ZDHHC14: variants seen among roughly 807,000 people sequenced by gnomAD.
ZDHHC14 encodes palmitoyltransferase ZDHHC14.
A neutral mutation model predicts 47.7 loss-of-function variants in ZDHHC14; 16 were observed. The observed-to-expected ratio is 0.34, with a 90% CI of 0.23 to 0.51. The LOEUF is 0.51. Among genes scored for constraint, ZDHHC14 ranks in the 20% least tolerant of loss-of-function variants. ZDHHC14 has a pLI of 0.97. For missense variants in ZDHHC14, 515 were observed against 662.5 expected (o/e 0.78, Z 2.44); for synonymous variants, 293 against 278.9 (o/e 1.05, Z -0.50).
intron 2 of ZDHHC14, among the ~76,000 whole-genome samples, chr6:157,573,588 T>C (rs1783182758): frequency 6.6e-6 from 1 of 152,162 alleles, no homozygotes. Flanking sequence ...CCTACGCCCT[T>C]CATGAAGGAT....
chr6:157,575,858 C>T (rs1345053299), intron 2 of ZDHHC14, among the ~76,000 whole-genome samples: 1 of 152,244 alleles, frequency 6.6e-6, no homozygotes, highest in East Asian at 1.9e-4. Context: ...CCTCAATGCT[C>T]ATAGGTGTTG....
At chr6:157,595,525 T>A (rs188112675) in intron 3 of ZDHHC14, among the ~76,000 whole-genome samples, 1 of 152,310 alleles carries the variant, frequency 6.6e-6, no homozygotes, top group African/African-American at 2.4e-5. Context: ...AAAATTTTCT[T>A]CTCAATCTAC....
At chr6:157,399,738 C>T (rs769554981) in intron 1 of ZDHHC14, among the ~76,000 whole-genome samples, 8 of 152,236 alleles carry the variant, frequency 5.3e-5, no homozygotes, top group Non-Finnish European at 7.3e-5. Context: ...GGAGACCGTA[C>T]GTGATCTCAC....
intron 2 of ZDHHC14, among the ~76,000 whole-genome samples, chr6:157,550,353 G>T (rs1426850545): frequency 6.6e-6 from 1 of 152,010 alleles, no homozygotes; most frequent in Admixed American, 6.5e-5. Context: ...AGGCATTCTA[G>T]AGAGACCACA....
chr6:157,657,649 C>T (rs1778163156), intron 8 of ZDHHC14, among the ~76,000 whole-genome samples: 1 of 152,210 alleles, frequency 6.6e-6, no homozygotes, highest in South Asian at 2.1e-4. Context: ...AGAGACAAAA[C>T]TGTAAGAAAT....
At chr6:157,450,508 C>A in intron 1 of ZDHHC14, among the ~76,000 whole-genome samples, 1 of 112,962 alleles carries the variant, frequency 8.9e-6, no homozygotes. Flanking sequence ...GAGCATGAGA[C>A]TCCGTCTTAA....
chr6:157,513,648 T>A (rs1780575037), intron 1 of ZDHHC14, among the ~76,000 whole-genome samples: 1 of 152,202 alleles, frequency 6.6e-6, no homozygotes, highest in Non-Finnish European at 1.5e-5. Context: ...GTCCGCATTA[T>A]TATTGTTATG....
chr6:157,644,611 G>A (rs985636988), intron 5 of ZDHHC14, among the ~76,000 whole-genome samples: 2 of 152,212 alleles, frequency 1.3e-5, no homozygotes, highest in Non-Finnish European at 2.9e-5. Context: ...CCACGGCACC[G>A]CACTGGGTAA....
intron 1 of ZDHHC14, among the ~76,000 whole-genome samples, chr6:157,540,009 C>G (rs1164308026): frequency 6.6e-6 from 1 of 152,218 alleles, no homozygotes; most frequent in Non-Finnish European, 1.5e-5. Flanking sequence ...GAAACACAGA[C>G]AGAGGCATTT....
Position 157,452,395 on chromosome 6 carries a change from A to G in ZDHHC14, c.245+70129A>G, listed in dbSNP as rs142988091. ...ATCCCACCTTTGCTGAAACTCTTACATCTCCAAGCAGTGATGTCTGTGAGA... is the reference window on the plus strand; with the variant it reads ...ATCCCACCTTTGCTGAAACTCTTACGTCTCCAAGCAGTGATGTCTGTGAGA... On this transcript the variant is annotated intron_variant, in intron 1 of 8. Transcript: ENST00000359775. Among the ~76,000 whole-genome samples the G allele has an allele frequency of 3.5e-3, 539 of 152,204 alleles. 3 individuals carry two copies. Among genetic ancestry groups the G allele is most frequent in the African/African-American group, 0.012 (515 of 41,544 alleles).
At position 157,663,682 on chromosome 6, in the gene ZDHHC14, A is replaced by G. The variant is rs114452187; in HGVS notation, c.1069-9042A>G. On this transcript the variant is annotated intron_variant, in intron 8 of 8. Transcript: ENST00000359775. ...GGGACCGTGCTCACAGGACTGTGGA[A>G]AGCACGCAAGCAGAGCTGGCGCTAA... is the stretch of plus-strand genomic sequence containing the variant. 3.3e-3 allele frequency among the ~76,000 whole-genome samples: 501 copies of G among 152,254 alleles called. 8 individuals carry two copies. Among genetic ancestry groups the G allele is most frequent in the African/African-American group, 0.011 (477 of 41,544 alleles).
intron 3 of ZDHHC14, among the ~76,000 whole-genome samples, chr6:157,626,025 A>C (rs1274674070): frequency 1.3e-5 from 2 of 152,192 alleles, no homozygotes; most frequent in African/African-American, 4.8e-5. Context: ...GGGAAAGCAC[A>C]GTGTCACAGC....
chr6:157,458,849 A>AGTTTTTTTTTTTTTTTTTT (rs1434832129), intron 1 of ZDHHC14, among the ~76,000 whole-genome samples: 1 of 81,226 alleles, frequency 1.2e-5, no homozygotes, highest in Non-Finnish European at 2.3e-5. Flanking sequence ...ATGTGGGTGG[A>AGTTTTTTTTTTTTTTTTTT]TTTTTTTTTT....
At chr6:157,648,440 G>GA (rs958688697) in intron 7 of ZDHHC14, among the ~76,000 whole-genome samples, 123 of 149,654 alleles carry the variant, frequency 8.2e-4, no homozygotes, top group Admixed American at 1.5e-3. Flanking sequence ...AAGAATTCAA[G>GA]AAAAAAAAAA....
At chr6:157,647,119 G>A (rs191630318) in intron 6 of ZDHHC14, 140 bp from the exon 7 acceptor site, 116 of 619,916 alleles carry the variant, frequency 1.9e-4, no homozygotes, top group Middle Eastern at 1.0e-3. Flanking sequence ...GTAAATGCCC[G>A]TTTTCTTTAA....
intron 1 of ZDHHC14, among the ~76,000 whole-genome samples, chr6:157,414,555 T>C (rs1229083621): frequency 6.6e-6 from 1 of 152,206 alleles, no homozygotes; most frequent in East Asian, 1.9e-4. Flanking sequence ...TATATGACTA[T>C]GAGATGTTGA....
At chr6:157,467,025 C>A (rs1318137911) in intron 1 of ZDHHC14, among the ~76,000 whole-genome samples, 1 of 152,116 alleles carries the variant, frequency 6.6e-6, no homozygotes, top group Non-Finnish European at 1.5e-5. Context: ...ACCCAGCCTA[C>A]TTCTCCTGTT....
chr6:157,428,923 C>G (rs1778280848), intron 1 of ZDHHC14, among the ~76,000 whole-genome samples: 1 of 152,174 alleles, frequency 6.6e-6, no homozygotes, highest in Non-Finnish European at 1.5e-5. Context: ...ACCTGGTTGA[C>G]AGGAACAGTG....
chr6:157,404,160 A>G (rs892884940), intron 1 of ZDHHC14, among the ~76,000 whole-genome samples: 3 of 152,164 alleles, frequency 2.0e-5, no homozygotes, highest in Non-Finnish European at 4.4e-5. Flanking sequence ...TATTTTTGAG[A>G]GAGTCTCGCT....
Sources: gnomAD v4.1 joint callset for allele counts (sites outside exome capture counted in the v4.1 genomes callset) on GRCh38, gnomAD v4.1.1 for gene constraint, MANE v1.5 for transcripts, NCBI Gene and HGNC (gene_info 2026-07-23, HGNC 2026-07-21) for gene names.